MAGI1: variants seen among roughly 807,000 people sequenced by gnomAD.
MAGI1 encodes membrane-associated guanylate kinase, WW and PDZ domain-containing protein 1.
In MAGI1, 58 loss-of-function variants were observed where a neutral mutation model predicts 139.9. The ratio of observed to expected loss-of-function variants is 0.41; its 90% CI spans 0.34 to 0.52. The LOEUF (loss-of-function observed/expected upper bound fraction) is 0.52, where lower values mean the gene tolerates loss of function less well. Among genes scored for constraint, MAGI1 ranks in the 20% least tolerant of loss-of-function variants. MAGI1 has a pLI of 0.12. For missense variants in MAGI1, 1,874 were observed against 1,901.6 expected, an observed-to-expected ratio of 0.99 and a Z score of 0.27; for synonymous variants, 812 against 737.9, an observed-to-expected ratio of 1.10 and a Z score of -1.63.
chr3:65,581,450 C>T (rs1468015836), intron 2 of MAGI1, among the ~76,000 whole-genome samples: 1 of 152,134 alleles, frequency 6.6e-6, no homozygotes, highest in African/African-American at 2.4e-5. Flanking sequence ...GCCACATGAC[C>T]CGATTCTCTA....
rs1311121398 is a variant in MAGI1 at position 65,373,141 on chromosome 3, T to A, written c.3196+2604A>T. Reference sequence around the variant, plus strand: ...ACATGCCTTCCCTCACTATGCTTAATCATTTCTAGCTTTTGATTTAAAGTG... The same window carrying A: ...ACATGCCTTCCCTCACTATGCTTAAACATTTCTAGCTTTTGATTTAAAGTG... On this transcript the variant is annotated intron_variant, in intron 18 of 22. Coordinates refer to ENST00000402939, the MANE Select transcript of MAGI1 (RefSeq NM_001033057.2). Among the ~76,000 whole-genome samples, 5 of 152,214 alleles carry A rather than the reference T, an allele frequency of 3.3e-5. No individual in the cohort carries two copies. In the East Asian group the frequency reaches 9.6e-4, roughly 29 times the overall value.
At chr3:65,623,252 G>GGTTGTTGTT (rs55663245) in intron 1 of MAGI1, among the ~76,000 whole-genome samples, 31 of 151,752 alleles carry the variant, frequency 2.0e-4, no homozygotes, top group East Asian at 1.4e-3. Context: ...GTTGCTTTTT[G>GGTTGTTGTT]GTTGTTGTTG....
chr3:66,013,322 G>C (rs1183914609), intron 1 of MAGI1, among the ~76,000 whole-genome samples: 1 of 150,188 alleles, frequency 6.7e-6, no homozygotes, highest in Non-Finnish European at 1.5e-5. Flanking sequence ...AGAATCACTT[G>C]TACCCAGGTG....
At chr3:65,777,801 T>G (rs17073759) in intron 1 of MAGI1, among the ~76,000 whole-genome samples, 3,607 of 152,276 alleles carry the variant, frequency 0.024, 151 homozygotes, top group African/African-American at 0.082. Context: ...TGTGAACAAT[T>G]TGTAAATGGA....
chr3:65,724,366 G>T (rs1167759408), intron 1 of MAGI1, among the ~76,000 whole-genome samples: 1 of 152,178 alleles, frequency 6.6e-6, no homozygotes, highest in African/African-American at 2.4e-5. Context: ...CTTTCAGCAT[G>T]GGACTACCAT....
At chr3:65,847,276 G>A (rs1047342507) in intron 1 of MAGI1, among the ~76,000 whole-genome samples, 1 of 152,122 alleles carries the variant, frequency 6.6e-6, no homozygotes, top group Non-Finnish European at 1.5e-5. Flanking sequence ...TAAAATCTGA[G>A]GCAGATGGCT....
chr3:65,615,406 TCAGGAATGTC>T (rs1227142067), intron 2 of MAGI1, among the ~76,000 whole-genome samples: 3 of 152,172 alleles, frequency 2.0e-5, no homozygotes, highest in African/African-American at 4.8e-5. Context: ...ATTGTCACGG[TCAGGAATGTC>T]CAGGTCCTTC....
At chr3:65,990,717 T>G (rs1253672403) in intron 1 of MAGI1, among the ~76,000 whole-genome samples, 2 of 152,230 alleles carry the variant, frequency 1.3e-5, no homozygotes, top group African/African-American at 4.8e-5. Context: ...TAGGCCATTG[T>G]GCAGAAGAAC....
chr3:65,866,068 C>T (rs1559957384), intron 1 of MAGI1, among the ~76,000 whole-genome samples: 1 of 151,876 alleles, frequency 6.6e-6, no homozygotes, highest in Non-Finnish European at 1.5e-5. Flanking sequence ...GTAATGTAAA[C>T]ATATAATTTA....
intron 1 of MAGI1, among the ~76,000 whole-genome samples, chr3:65,715,145 CGACCTCA>C (rs1318185078): frequency 2.0e-5 from 3 of 152,254 alleles, no homozygotes; most frequent in Middle Eastern, 6.8e-3. Flanking sequence ...GGAAGAAAAA[CGACCTCA>C]GACATTTTAA....
At chr3:65,734,910 C>A (rs868651738) in intron 1 of MAGI1, among the ~76,000 whole-genome samples, 12 of 89,812 alleles carry the variant, frequency 1.3e-4, no homozygotes, top group African/African-American at 1.8e-4. Context: ...AGGAAGAGAG[C>A]GGAGGGGAGG....
chr3:65,596,127 A>G (rs2082183350), intron 2 of MAGI1, among the ~76,000 whole-genome samples: 6 of 152,200 alleles, frequency 3.9e-5, no homozygotes, highest in Admixed American at 3.3e-4. Context: ...AAGTGATCAA[A>G]AAACAACAGT....
chr3:65,816,970 T>TGGA (rs1301776711), intron 1 of MAGI1, among the ~76,000 whole-genome samples: 4 of 152,308 alleles, frequency 2.6e-5, no homozygotes, highest in African/African-American at 9.6e-5. Context: ...AGCGGAATAA[T>TGGA]GGAGCATTTA....
At chr3:65,979,055 T>C (rs1337840192) in intron 1 of MAGI1, among the ~76,000 whole-genome samples, 1 of 147,244 alleles carries the variant, frequency 6.8e-6, no homozygotes, top group East Asian at 2.0e-4. Flanking sequence ...AGAAGTCAAG[T>C]TAGAAAGAAC....
At chr3:65,659,879 A>C (rs1157191265) in intron 1 of MAGI1, among the ~76,000 whole-genome samples, 1 of 152,122 alleles carries the variant, frequency 6.6e-6, no homozygotes, top group African/African-American at 2.4e-5. Context: ...CCAATCTCCA[A>C]ATGAGTGGAT....
At chr3:65,897,199 G>C (rs139958433) in intron 1 of MAGI1, among the ~76,000 whole-genome samples, 31 of 152,284 alleles carry the variant, frequency 2.0e-4, no homozygotes, top group African/African-American at 7.2e-4. Context: ...AAACAGGTGA[G>C]TTTTTGGGTT....
In MAGI1 at chr3:65,502,990, T is replaced by C. The variant is rs142299640; in HGVS notation, c.431-9359A>G. Among the ~76,000 whole-genome samples the C allele has an allele frequency of 3.4e-3, 512 of 152,236 alleles. 2 individuals carry two copies. The highest frequency in any genetic ancestry group is 0.012 in the African/African-American group (488 of 41,554). ...CAGGTAATCCCAGATGAGACAGCTATGTAGACTCAAAAGGGTCACGTGAAT... is the reference window on the plus strand; with the variant it reads ...CAGGTAATCCCAGATGAGACAGCTACGTAGACTCAAAAGGGTCACGTGAAT... On this transcript the variant is annotated intron_variant, in intron 2 of 22. Transcript: ENST00000402939.
At chr3:65,612,068 A>C (rs940847550) in intron 2 of MAGI1, among the ~76,000 whole-genome samples, 1 of 152,130 alleles carries the variant, frequency 6.6e-6, no homozygotes, top group Admixed American at 6.6e-5. Context: ...ACGATCTATC[A>C]ACATAGTAAC....
rs75233619 is a variant in MAGI1, at chr3:65,820,478, G to A, written c.314-198390C>T. 2.2e-3 allele frequency among the ~76,000 whole-genome samples: 334 copies of A among 152,234 alleles called. 1 individual carries two copies. Among genetic ancestry groups the A allele is most frequent in the Non-Finnish European group, 4.2e-3 (284 of 68,014 alleles). On this transcript the variant is annotated intron_variant, in intron 1 of 22. Transcript: ENST00000402939. ...ATGGCATAGGGATCTCTTTTAAGTC[G>A]AGGAGTACTGCGTCCACCCTACTTT...
Sources: allele counts gnomAD v4.1 joint callset (sites outside exome capture counted in the v4.1 genomes callset), GRCh38; gene constraint gnomAD v4.1.1; transcripts MANE v1.5; gene names NCBI Gene and HGNC (gene_info 2026-07-23, HGNC 2026-07-21).